Variants in PIGF observed in about 807,000 individuals in gnomAD.
PIGF encodes phosphatidylinositol glycan anchor biosynthesis class F.
In PIGF, 23 loss-of-function variants were observed where a neutral mutation model predicts 26.0. That is an observed-to-expected ratio of 0.88 (90% CI 0.64 to 1.25). PIGF has a LOEUF of 1.25. Among genes scored for constraint, PIGF ranks in the 50% most tolerant of loss-of-function variants. PIGF has a pLI of 0.00. For missense variants in PIGF, 278 were observed against 249.9 expected, an observed-to-expected ratio of 1.11 and a Z score of -0.76; for synonymous variants, 93 against 92.6, an observed-to-expected ratio of 1.00 and a Z score of -0.03.
intron 4 of PIGF, among the ~76,000 whole-genome samples, chr2:46,611,967 T>C (rs2104139585): frequency 6.6e-6 from 1 of 151,960 alleles, no homozygotes; most frequent in Admixed American, 6.5e-5. Flanking sequence ...TTCTTCTTTT[T>C]TTTTTTAAAC....
chr2:46,592,441 A>T, intron 5 of PIGF, 34 bp downstream of exon 5: 1 of 1,041,790 alleles, frequency 9.6e-7, no homozygotes, highest in Non-Finnish European at 1.5e-6. Flanking sequence ...TTGTACAAAC[A>T]TTTATTTTGT....
chr2:46,595,825 G>A (rs1669865753), intron 4 of PIGF, among the ~76,000 whole-genome samples: 1 of 152,134 alleles, frequency 6.6e-6, no homozygotes, highest in African/African-American at 2.4e-5. Flanking sequence ...CATGGTGATA[G>A]ATTTAGGGTT....
chr2:46,603,588 CAAG>C (rs1393244963), intron 4 of PIGF, among the ~76,000 whole-genome samples: 1 of 151,900 alleles, frequency 6.6e-6, no homozygotes, highest in Non-Finnish European at 1.5e-5. Flanking sequence ...TCAAAGATGC[CAAG>C]AACATACACC....
At chr2:46,612,536 G>C (rs1168820316) in intron 3 of PIGF, among the ~76,000 whole-genome samples, 192 bp from the exon 4 acceptor site, 2 of 152,130 alleles carry the variant, frequency 1.3e-5, no homozygotes, top group African/African-American at 4.8e-5. Flanking sequence ...AATCTAGCAA[G>C]TATTTCGCTT....
At chr2:46,609,590 G>C (rs142553828) in intron 4 of PIGF, among the ~76,000 whole-genome samples, 3 of 152,242 alleles carry the variant, frequency 2.0e-5, no homozygotes, top group East Asian at 1.9e-4. Flanking sequence ...TTTAAAGTGA[G>C]AGACAAGTAA....
chr2:46,607,322 ACCAAGGAAACCTTTT>A, intron 4 of PIGF, among the ~76,000 whole-genome samples: 1 of 152,314 alleles, frequency 6.6e-6, no homozygotes, highest in Non-Finnish European at 1.5e-5. Context: ...GCAAACCTTT[ACCAAGGAAACCTTTT>A]CCAAGGAAAA....
intron 4 of PIGF, 118 bp downstream of exon 4, chr2:46,612,110 T>C (rs572458356): frequency 3.0e-4 from 119 of 396,948 alleles, no homozygotes; most frequent in African/African-American, 2.2e-3. Flanking sequence ...AAGGCATCTC[T>C]GAGCACCATC....
At chr2:46,597,704 G>T (rs115541881) in intron 4 of PIGF, among the ~76,000 whole-genome samples, 2,311 of 152,230 alleles carry the variant, frequency 0.015, 69 homozygotes, top group African/African-American at 0.053. Context: ...GAGCCACAGC[G>T]CCTGGCCCTG....
In PIGF at chr2:46,589,326, C is replaced by T. The variant is rs76157415; in HGVS notation, c.546+3149G>A. 5.2e-3 allele frequency among the ~76,000 whole-genome samples: 783 copies of T among 152,006 alleles called. 3 individuals are homozygous for T. Among genetic ancestry groups the T allele is most frequent in the African/African-American group, 0.018 (729 of 41,516 alleles). On this transcript the variant is annotated intron_variant, in intron 5 of 5. Coordinates refer to ENST00000281382, the MANE Select transcript of PIGF (RefSeq NM_002643.4). The surrounding 1 kb of genome is among the most constrained non-coding windows in gnomAD (Gnocchi z 4.7). The stretch of plus-strand genomic sequence containing the variant: ...ATCACATATTTTCAGTGGGCCTTTC[C>T]AGTCATTTAATGAAGAAATTATTTT...
At position 46,609,208 on chromosome 2, in the gene PIGF, G is replaced by A. The variant is rs148609086; in HGVS notation, c.437+3020C>T. Among the ~76,000 whole-genome samples the A allele has an allele frequency of 4.4e-3, 669 of 152,314 alleles. 7 individuals carry two copies. The highest frequency in any genetic ancestry group is 0.015 in the African/African-American group (641 of 41,566). ...TCACCTTGCACTTTTATGTGATGGCGATGGCCTCTTTCCTTAAGCCTCATG... is the reference window on the plus strand; with the variant it reads ...TCACCTTGCACTTTTATGTGATGGCAATGGCCTCTTTCCTTAAGCCTCATG... On this transcript the variant is annotated intron_variant, in intron 4 of 5. Transcript: ENST00000281382.
At chr2:46,590,144 G>A (rs943401080) in intron 5 of PIGF, among the ~76,000 whole-genome samples, 3 of 152,062 alleles carry the variant, frequency 2.0e-5, no homozygotes, top group Admixed American at 2.0e-4. Context: ...CACTTGTTAT[G>A]TATTTAAATT....
intron 5 of PIGF, among the ~76,000 whole-genome samples, chr2:46,584,739 A>C (rs1018519933): frequency 5.3e-5 from 8 of 152,196 alleles, no homozygotes; most frequent in Non-Finnish European, 1.2e-4. Context: ...CTTTCCTGAA[A>C]TAAGCATTTC....
Position 46,614,936 on chromosome 2 carries a change from C to G in PIGF, c.228+1G>C. On this transcript the variant is annotated splice_donor_variant, in intron 2 of 5. Coordinates refer to ENST00000281382, the MANE Select transcript of PIGF (RefSeq NM_002643.4). LOFTEE classifies it high-confidence loss of function. ...ATCAGTTATTGAGACATAAGCCTTACCTTGTGTGATAATGAACTTCTTTTA... is the reference window on the plus strand; with the variant it reads ...ATCAGTTATTGAGACATAAGCCTTAGCTTGTGTGATAATGAACTTCTTTTA... 2.2e-6 allele frequency: 3 copies of G among 1,357,642 alleles called. No homozygotes were observed. The highest frequency in any genetic ancestry group is 1.2e-5 in the South Asian group (1 of 85,590). The allele number at this position is 1,357,642 out of a possible 1,614,324, so 84.1% of individuals were successfully genotyped here.
intron 4 of PIGF, among the ~76,000 whole-genome samples, chr2:46,605,706 C>T (rs920531706): frequency 1.2e-4 from 19 of 152,012 alleles, no homozygotes; most frequent in African/African-American, 4.1e-4. Context: ...TTACTGGAGT[C>T]GTCTAACTTC....
intron 4 of PIGF, among the ~76,000 whole-genome samples, chr2:46,599,751 G>A (rs1295291406): frequency 6.6e-6 from 1 of 151,646 alleles, no homozygotes; most frequent in Non-Finnish European, 1.5e-5. Context: ...AGGTTTTTTT[G>A]TTTATTTTTG....
intron 4 of PIGF, among the ~76,000 whole-genome samples, chr2:46,604,472 C>T (rs1001785225): frequency 1.3e-5 from 2 of 150,676 alleles, no homozygotes; most frequent in African/African-American, 2.4e-5. Flanking sequence ...TATCAACAGA[C>T]TAATGGATTA....
intron 4 of PIGF, among the ~76,000 whole-genome samples, chr2:46,596,145 C>T (rs1387031234): frequency 1.3e-5 from 2 of 148,428 alleles, no homozygotes; most frequent in Non-Finnish European, 3.0e-5. Context: ...ACCCGGGAGG[C>T]GGAGGTTGTC....
chr2:46,613,352 T>C (rs746893053), intron 3 of PIGF, among the ~76,000 whole-genome samples: 17 of 152,152 alleles, frequency 1.1e-4, no homozygotes, highest in Non-Finnish European at 1.3e-4. Flanking sequence ...GAATCACATT[T>C]ATAAGAACTG....
intron 4 of PIGF, among the ~76,000 whole-genome samples, chr2:46,601,179 C>T (rs926658313): frequency 7.9e-5 from 12 of 151,956 alleles, no homozygotes; most frequent in Non-Finnish European, 1.5e-4. Context: ...TTGAATTCTA[C>T]GGTTATTGGC....
Sources: gnomAD v4.1 joint callset for allele counts (sites outside exome capture counted in the v4.1 genomes callset) on GRCh38, gnomAD v4.1.1 for gene constraint, Gnocchi (gnomAD v3.1) non-coding constraint, MANE v1.5 for transcripts, NCBI Gene and HGNC (gene_info 2026-07-23, HGNC 2026-07-21) for gene names.